Variants in XYLT1 observed in about 807,000 individuals in gnomAD.
XYLT1 encodes xylosyltransferase 1.
In XYLT1, 36 loss-of-function variants were observed where a neutral mutation model predicts 91.3. The observed-to-expected ratio is 0.39, with a 90% CI of 0.30 to 0.52. The LOEUF (loss-of-function observed/expected upper bound fraction) is 0.52. XYLT1 is among the 20% of genes least tolerant of loss of function. XYLT1 has a pLI of 0.68. For missense variants in XYLT1, 1,242 were observed against 1,284.5 expected (o/e 0.97, Z 0.51); for synonymous variants, 588 against 532.0 (o/e 1.11, Z -1.45).
intron 2 of XYLT1, among the ~76,000 whole-genome samples, chr16:17,291,934 C>T (rs1340250659): frequency 6.6e-6 from 1 of 151,962 alleles, no homozygotes; most frequent in Non-Finnish European, 1.5e-5. Flanking sequence ...CACCTGTAAT[C>T]CTAGCACTTA....
chr16:17,232,771 GTGA>G (rs1452127234), intron 3 of XYLT1, among the ~76,000 whole-genome samples: 1 of 151,962 alleles, frequency 6.6e-6, no homozygotes, highest in South Asian at 2.1e-4. Flanking sequence ...GATGAAGATG[GTGA>G]TGATATGAGG....
intron 2 of XYLT1, among the ~76,000 whole-genome samples, chr16:17,290,369 A>G (rs923551042): frequency 1.3e-5 from 2 of 152,254 alleles, no homozygotes; most frequent in African/African-American, 4.8e-5. Context: ...CATTACGGTT[A>G]AATTCTATTT....
intron 2 of XYLT1, among the ~76,000 whole-genome samples, chr16:17,265,380 T>C (rs1284020704): frequency 6.6e-6 from 1 of 152,196 alleles, no homozygotes; most frequent in East Asian, 1.9e-4. Flanking sequence ...TATTTCGCAA[T>C]TGTGATCAAC....
At chr16:17,260,980 T>A (rs4310840) in intron 2 of XYLT1, among the ~76,000 whole-genome samples, 10,168 of 152,150 alleles carry the variant, frequency 0.067, 1,115 homozygotes, top group African/African-American at 0.23. Flanking sequence ...ACACCTGTAA[T>A]CCCAGTACTT....
intron 1 of XYLT1, among the ~76,000 whole-genome samples, chr16:17,420,235 AT>A (rs1314400785): frequency 3.3e-5 from 5 of 152,198 alleles, no homozygotes; most frequent in African/African-American, 1.2e-4. Flanking sequence ...TATACACATA[AT>A]TTTTTAATTT....
At chr16:17,273,922 T>C (rs2033933593) in intron 2 of XYLT1, among the ~76,000 whole-genome samples, 1 of 151,930 alleles carries the variant, frequency 6.6e-6, no homozygotes, top group Non-Finnish European at 1.5e-5. Flanking sequence ...AGTCATTCGT[T>C]TATTTTGGAG....
rs144746995 is a variant in XYLT1, at chr16:17,431,693, T to C, written c.363+38741A>G. ...TCTGGTGGCAGTTAACACGGACATATAGCGATCAATGCAGGTAAACGAATC... is the reference window on the plus strand; with the variant it reads ...TCTGGTGGCAGTTAACACGGACATACAGCGATCAATGCAGGTAAACGAATC... On this transcript the variant is annotated intron_variant, in intron 1 of 11. Coordinates refer to ENST00000261381, the MANE Select transcript of XYLT1 (RefSeq NM_022166.4). Among the ~76,000 whole-genome samples the C allele has an allele frequency of 3.2e-4, 49 of 152,332 alleles. 1 individual carries two copies. The highest frequency in any genetic ancestry group is 1.1e-3 in the African/African-American group (45 of 41,578).
chr16:17,292,552 TG>T (rs1434851297), intron 2 of XYLT1, among the ~76,000 whole-genome samples: 1 of 152,220 alleles, frequency 6.6e-6, no homozygotes, highest in Admixed American at 6.5e-5. Context: ...CTGGCTGATG[TG>T]GATCCCTGTA....
At chr16:17,354,025 C>A (rs2035258901) in intron 2 of XYLT1, among the ~76,000 whole-genome samples, 1 of 152,144 alleles carries the variant, frequency 6.6e-6, no homozygotes. Context: ...TGAGAGAAGT[C>A]AGTTCTTGGC....
chr16:17,398,216 C>CTCAGGA (rs2035915349), intron 1 of XYLT1, among the ~76,000 whole-genome samples: 1 of 152,140 alleles, frequency 6.6e-6, no homozygotes, highest in Non-Finnish European at 1.5e-5. Flanking sequence ...TCTAGTCTAT[C>CTCAGGA]TCAGGAGTCA....
At chr16:17,271,363 G>C (rs543644266) in intron 2 of XYLT1, among the ~76,000 whole-genome samples, 7 of 151,884 alleles carry the variant, frequency 4.6e-5, no homozygotes, top group East Asian at 1.9e-4. Context: ...GAGAGAGAGA[G>C]ACACAGAGAG....
intron 2 of XYLT1, among the ~76,000 whole-genome samples, chr16:17,311,325 G>A (rs2141821566): frequency 6.6e-6 from 1 of 152,310 alleles, no homozygotes; most frequent in Non-Finnish European, 1.5e-5. Flanking sequence ...TCTGGTTCAT[G>A]TGAGCAGCCT....
chr16:17,258,643 A>G (rs2033671724), intron 3 of XYLT1, among the ~76,000 whole-genome samples: 1 of 152,204 alleles, frequency 6.6e-6, no homozygotes, highest in Non-Finnish European at 1.5e-5. Flanking sequence ...TATCAATTCT[A>G]ATCCCAATAT....
chr16:17,237,918 T>C (rs754430342), intron 3 of XYLT1, among the ~76,000 whole-genome samples: 9 of 152,230 alleles, frequency 5.9e-5, no homozygotes, highest in Non-Finnish European at 1.0e-4. Context: ...TGGCTCCAAA[T>C]CCCTCTGAAG....
At position 17,259,055 on chromosome 16, in the gene XYLT1, C is replaced by G. The variant is rs766481239; in HGVS notation, c.846G>C (p.Glu282Asp). Reference protein sequence around the residue: ...KSKHCRQEIGETYCRHKLGLL... With the variant: ...KSKHCRQEIGDTYCRHKLGLL... ...GCCCTAACTTGTGGCGGCAGTAAGT[C>G]TCCCCAATCTCCTGGCGGCAGTGCT... Residue 282 changes from glutamate to aspartate, a missense_variant, in exon 3 of 12, where the codon GAG becomes GAC. Physicochemically the swap from Glu to Asp is conservative, Grantham distance 45. Coordinates refer to ENST00000261381, the MANE Select transcript of XYLT1 (RefSeq NM_022166.4). The G allele has an allele frequency of 1.3e-5, 19 of 1,518,216 alleles. 1 individual carries two copies. The South Asian group carries it at 2.4e-4, about 19-fold the overall frequency. The allele number at this position is 1,518,216 out of a possible 1,614,324, so 94.0% of individuals were successfully genotyped here.
intron 11 of XYLT1, 109 bp from the exon 12 acceptor site, chr16:17,109,126 T>A: frequency 9.1e-7 from 1 of 1,097,000 alleles, no homozygotes. Context: ...TCGCCTCATT[T>A]AATTCACATG....
At chr16:17,460,726 C>T (rs2036808660) in intron 1 of XYLT1, among the ~76,000 whole-genome samples, 2 of 152,140 alleles carry the variant, frequency 1.3e-5, no homozygotes, top group South Asian at 2.1e-4. Context: ...CCTGTATTGC[C>T]GGATCTTATG....
At chr16:17,138,310 G>GT in intron 8 of XYLT1, 45 bp downstream of exon 8, 1 of 1,594,768 alleles carries the variant, frequency 6.3e-7, no homozygotes, top group Non-Finnish European at 8.6e-7. Context: ...AGGTTTGTTG[G>GT]GAAGGCATCA....
At chr16:17,169,547 T>C (rs1184349011) in intron 5 of XYLT1, among the ~76,000 whole-genome samples, 2 of 151,910 alleles carry the variant, frequency 1.3e-5, no homozygotes, top group African/African-American at 2.4e-5. Flanking sequence ...AGCCCTTCCT[T>C]CAGACGGCTG....
Sources: allele counts gnomAD v4.1 joint callset (sites outside exome capture counted in the v4.1 genomes callset), GRCh38; gene constraint gnomAD v4.1.1; transcripts MANE v1.5; gene names NCBI Gene and HGNC (gene_info 2026-07-23, HGNC 2026-07-21).